Variants in ABHD6 observed in about 807,000 individuals in gnomAD.
The protein encoded by ABHD6 is abhydrolase domain containing 6, acylglycerol lipase.
In ABHD6, 33 loss-of-function variants were observed where a neutral mutation model predicts 38.8. That is an observed-to-expected ratio of 0.85 (90% CI 0.64 to 1.14). The LOEUF is 1.14. Among genes scored for constraint, ABHD6 ranks in the 50% most tolerant of loss-of-function variants. The probability of loss-of-function intolerance (pLI) is 0.00; values close to 1 mark genes in which losing one functional copy is unlikely to be tolerated. For synonymous variants in ABHD6, 147 were observed against 161.6 expected (o/e 0.91, Z 0.69); for missense variants, 380 against 422.6 (o/e 0.90, Z 0.88).
At chr3:58,290,287 G>A (rs2097461163) in intron 9 of ABHD6, among the ~76,000 whole-genome samples, 1 of 138,150 alleles carries the variant, frequency 7.2e-6, no homozygotes, top group African/African-American at 2.7e-5. Flanking sequence ...GGCTGGCCGG[G>A]CGGGGGGCTG....
chr3:58,242,301 C>T (rs1029605965), intron 1 of ABHD6, among the ~76,000 whole-genome samples: 2 of 152,174 alleles, frequency 1.3e-5, no homozygotes, highest in African/African-American at 4.8e-5. Flanking sequence ...TGCCAACCAC[C>T]AGTGAATTAG....
At chr3:58,289,889 A>C (rs2097460493) in intron 9 of ABHD6, among the ~76,000 whole-genome samples, 2 of 129,108 alleles carry the variant, frequency 1.5e-5, no homozygotes, top group Admixed American at 7.4e-5. Context: ...TCCCTCCCGG[A>C]CGGGGTGGCT....
In ABHD6 at chr3:58,259,518, A is replaced by G. The variant is rs1402182945; in HGVS notation, c.119+2813A>G. Among the ~76,000 whole-genome samples the G allele has an allele frequency of 2.0e-5, 3 of 152,130 alleles. No homozygotes were observed. The highest frequency in any genetic ancestry group is 1.5e-5 in the Non-Finnish European group (1 of 68,020). ...AACATGGCGAAACCCCGTCTCTACT[A>G]AAAATACAAAAAATTAGCCAGGCAT... On this transcript the variant is annotated intron_variant, in intron 3 of 9. Transcript: ENST00000478253. The surrounding 1 kb of genome is among the most constrained non-coding windows in gnomAD (Gnocchi z 4.7).
In ABHD6 at chr3:58,238,828, C is replaced by A. The variant is rs2097420860; in HGVS notation, c.-91+912C>A. On this transcript the variant is annotated intron_variant, in intron 1 of 9. Transcript: ENST00000478253. This position sits in a 1 kb window ranked among gnomAD's most constrained non-coding sequence, Gnocchi z 6.9. The stretch of plus-strand genomic sequence containing the variant: ...CTGGAGGCCCTCATTTATCTCGCCG[C>A]CCCCCTCCCCGCTGCTCCCGCCTGC... 6.6e-6 allele frequency among the ~76,000 whole-genome samples: 1 copy of A among 152,012 alleles called. No homozygotes were observed. The highest frequency in any genetic ancestry group is 1.5e-5 in the Non-Finnish European group (1 of 68,008).
At position 58,293,438 on chromosome 3, in the gene ABHD6, A is replaced by G; in HGVS notation, c.838-151A>G. On this transcript the variant is annotated intron_variant, in intron 9 of 9. Transcript: ENST00000478253. The surrounding 1 kb of genome is among the most constrained non-coding windows in gnomAD (Gnocchi z 4.4). ...TGGTTACTTCCATTCAGACAGCCAC[A>G]AGCCCCAACACCAAAGGGACTTGGT... 1.4e-6 allele frequency: 1 copy of G among 736,522 alleles called. No homozygotes were observed. The highest frequency in any genetic ancestry group is 2.2e-6 in the Non-Finnish European group (1 of 463,088). 45.6% of individuals were successfully genotyped at this position (736,522 alleles called of 1,614,324 possible).
At chr3:58,244,408 CA>C (rs1028838566) in intron 1 of ABHD6, among the ~76,000 whole-genome samples, 1 of 152,046 alleles carries the variant, frequency 6.6e-6, no homozygotes, top group Admixed American at 6.6e-5. Context: ...CAGTGATGAC[CA>C]AATGTTAATT....
intron 1 of ABHD6, among the ~76,000 whole-genome samples, chr3:58,244,604 A>T (rs528147998): frequency 6.6e-6 from 1 of 152,184 alleles, no homozygotes; most frequent in South Asian, 2.1e-4. Context: ...ATCTCTGCAA[A>T]AAATGAAAAA....
chr3:58,271,932 T>A (rs1039934679), intron 6 of ABHD6, among the ~76,000 whole-genome samples: 2 of 151,936 alleles, frequency 1.3e-5, no homozygotes, highest in Non-Finnish European at 2.9e-5. Flanking sequence ...GCCCAGCTAA[T>A]TTTTTGCATT....
intron 7 of ABHD6, among the ~76,000 whole-genome samples, chr3:58,284,440 G>A (rs1328975494): frequency 2.0e-5 from 3 of 151,138 alleles, no homozygotes; most frequent in Non-Finnish European, 4.4e-5. Flanking sequence ...TGATATTATG[G>A]TCATCCTCAT....
chr3:58,241,812 A>T lies in ABHD6; in HGVS notation c.-91+3896A>T, dbSNP rs555839087. ...GTCAGGCAAGATCCCAGCAGTGCAG[A>T]GTGAATGCTTAGTATCTGCCTGTCA... is the stretch of plus-strand genomic sequence containing the variant. On this transcript the variant is annotated intron_variant, in intron 1 of 9. Coordinates refer to ENST00000478253, the MANE Select transcript of ABHD6 (RefSeq NM_001320126.2). Among the ~76,000 whole-genome samples, 217 of 152,318 alleles carry T rather than the reference A, an allele frequency of 1.4e-3. 1 individual carries two copies. The highest frequency in any genetic ancestry group is 4.7e-3 in the African/African-American group (197 of 41,574).
At position 58,273,546 on chromosome 3, in the gene ABHD6, T is replaced by TA. The variant is rs2097446516; in HGVS notation, c.524-1106dup. ...TACACCATGGAATACTATGCAGCCA[T>TA]AAAAAAGAATGATTTCATGTCCTTT... On this transcript the variant is annotated intron_variant, in intron 6 of 9. Coordinates refer to ENST00000478253, the MANE Select transcript of ABHD6 (RefSeq NM_001320126.2). The surrounding 1 kb of genome is among the most constrained non-coding windows in gnomAD (Gnocchi z 4.8). 6.6e-6 allele frequency among the ~76,000 whole-genome samples: 1 copy of TA among 152,008 alleles called. No individual in the cohort carries two copies. Among genetic ancestry groups the TA allele is most frequent in the East Asian group, 1.9e-4 (1 of 5,176 alleles).
intron 2 of ABHD6, among the ~76,000 whole-genome samples, chr3:58,254,767 A>T (rs888311369): frequency 6.6e-6 from 1 of 151,090 alleles, no homozygotes; most frequent in African/African-American, 2.4e-5. Flanking sequence ...GGAGAGAATG[A>T]CTGGACTTGA....
intron 9 of ABHD6, among the ~76,000 whole-genome samples, chr3:58,288,605 G>A (rs1348220180): frequency 2.9e-5 from 2 of 68,478 alleles, no homozygotes; most frequent in Non-Finnish European, 5.1e-5. Context: ...CTAGTGAAGG[G>A]ATAAACCCAC....
At chr3:58,271,816 G>A (rs373101710) in intron 6 of ABHD6, among the ~76,000 whole-genome samples, 150 of 117,232 alleles carry the variant, frequency 1.3e-3, no homozygotes, top group African/African-American at 4.8e-3. Flanking sequence ...TCAGACTGGA[G>A]TGCAGTGGTG....
intron 1 of ABHD6, among the ~76,000 whole-genome samples, chr3:58,245,542 G>A (rs953248959): frequency 6.6e-6 from 1 of 152,024 alleles, no homozygotes; most frequent in Non-Finnish European, 1.5e-5. Context: ...ACTTTGGAAG[G>A]CCGAGGCAGG....
chr3:58,278,562 C>T (rs533442428), intron 7 of ABHD6, among the ~76,000 whole-genome samples: 5 of 152,222 alleles, frequency 3.3e-5, no homozygotes, highest in Non-Finnish European at 5.9e-5. Context: ...CTCCTGGATT[C>T]GTTGATTTTT....
intron 1 of ABHD6, among the ~76,000 whole-genome samples, chr3:58,246,383 G>A (rs1312890044): frequency 6.6e-6 from 1 of 152,210 alleles, no homozygotes; most frequent in African/African-American, 2.4e-5. Flanking sequence ...TTTGTTAAAA[G>A]CTGTACCACA....
intron 1 of ABHD6, among the ~76,000 whole-genome samples, chr3:58,249,437 T>C (rs1485250887): frequency 6.6e-6 from 1 of 152,180 alleles, no homozygotes; most frequent in Non-Finnish European, 1.5e-5. Context: ...TTTGGAGCGG[T>C]GCAGCCCCCC....
Position 58,285,166 on chromosome 3 carries a change from G to C in ABHD6, c.736+27G>C. 6.2e-7 allele frequency: 1 copy of C among 1,610,508 alleles called. No individual in the cohort carries two copies. The highest frequency in any genetic ancestry group is 8.5e-7 in the Non-Finnish European group (1 of 1,176,748). On this transcript the variant is annotated intron_variant, in intron 8 of 9. Transcript: ENST00000478253. This position sits in a 1 kb window ranked among gnomAD's most constrained non-coding sequence, Gnocchi z 4.9. ...TAAGTAGCCCTACTTTCAGCTTGGA[G>C]CTTGTTACAAGTGAAGCTCTGTGGA... is the stretch of plus-strand genomic sequence containing the variant.
Sources: gnomAD v4.1 joint callset for allele counts (sites outside exome capture counted in the v4.1 genomes callset) on GRCh38, gnomAD v4.1.1 for gene constraint, Gnocchi (gnomAD v3.1) non-coding constraint, MANE v1.5 for transcripts, NCBI Gene and HGNC (gene_info 2026-07-23, HGNC 2026-07-21) for gene names.